The following CHM variants were observed in gnomAD, a reference collection of about 807,000 sequenced individuals.
CHM encodes the protein rab proteins geranylgeranyltransferase component A 1.
A neutral mutation model predicts 49.0 loss-of-function variants in CHM; 10 were observed. The ratio of observed to expected loss-of-function variants is 0.20; its 90% CI spans 0.13 to 0.35. The LOEUF (loss-of-function observed/expected upper bound fraction) is 0.35, where lower values mean the gene tolerates loss of function less well. Among genes scored for constraint, CHM ranks in the 10% least tolerant of loss-of-function variants. The pLI is 1.00. For missense variants in CHM, 455 were observed against 478.4 expected, an observed-to-expected ratio of 0.95 and a Z score of 0.46; for synonymous variants, 184 against 167.5, an observed-to-expected ratio of 1.10 and a Z score of -0.76.
intron 12 of CHM, among the ~76,000 whole-genome samples, chrX:85,881,467 C>T (rs376951707): frequency 1.8e-5 from 2 of 111,960 alleles, no homozygotes; most frequent in East Asian, 5.6e-4. Flanking sequence ...TTTACTTGTG[C>T]AACAGCAAAC....
chrX:85,936,988 C>T (rs1928814202), intron 8 of CHM, among the ~76,000 whole-genome samples: 2 of 111,302 alleles, frequency 1.8e-5, no homozygotes, highest in Admixed American at 9.6e-5. Context: ...CTGTGCAGGC[C>T]GGGTGCAGTG....
At chrX:85,893,551 T>C (rs1236008451) in intron 12 of CHM, among the ~76,000 whole-genome samples, 1 of 111,704 alleles carries the variant, frequency 9.0e-6, no homozygotes, top group Non-Finnish European at 1.9e-5. Context: ...ATACCTCAAG[T>C]AGACCCACAA....
chrX:85,866,174 G>A (rs1923678413), intron 14 of CHM, among the ~76,000 whole-genome samples: 1 of 112,435 alleles, frequency 8.9e-6, no homozygotes, highest in African/African-American at 3.2e-5. Context: ...GAGGAAAAAT[G>A]GTTTAGTGGG....
intron 2 of CHM, among the ~76,000 whole-genome samples, chrX:86,024,574 T>C (rs1471409565): frequency 8.9e-6 from 1 of 111,839 alleles, no homozygotes; most frequent in Non-Finnish European, 1.9e-5. Flanking sequence ...GAGCTGGAGA[T>C]AAAGTCAGGA....
Position 85,863,032 on chromosome X carries a change from T to A in CHM, c.*1598A>T, listed in dbSNP as rs186301675. 178 of 111,571 alleles carry A rather than the reference T, an allele frequency of 1.6e-3. 1 individual carries two copies. The highest frequency in any genetic ancestry group is 4.9e-3 in the African/African-American group (151 of 30,711). 9.2% of individuals were successfully genotyped at this position (111,571 alleles called of 1,213,427 possible). ...AAAGTAGACCATCAGAGCTTGGCCATTTGAGAAAATTTAAATATAGGCAAC... is the reference window on the plus strand; with the variant it reads ...AAAGTAGACCATCAGAGCTTGGCCAATTGAGAAAATTTAAATATAGGCAAC... On this transcript the variant is annotated 3_prime_UTR_variant, in exon 15 of 15. Coordinates refer to ENST00000357749, the MANE Select transcript of CHM (RefSeq NM_000390.4).
rs923712275 is a variant in CHM at position 86,030,441 on chromosome X, G to A, written c.50-2884C>T. On this transcript the variant is annotated intron_variant, in intron 1 of 14. Transcript: ENST00000357749. ...TAAACAGAATTTCCAGGATACAGGA[G>A]GCATGTAGTAGGTTCTCCATAGATA... Among the ~76,000 whole-genome samples, 3 of 111,288 alleles carry A rather than the reference G, an allele frequency of 2.7e-5. No homozygotes were observed. In the Admixed American group the frequency reaches 2.9e-4, roughly 11 times the overall value.
At chrX:85,951,748 C>G (rs928469850) in intron 8 of CHM, among the ~76,000 whole-genome samples, 1 of 111,990 alleles carries the variant, frequency 8.9e-6, no homozygotes, top group Non-Finnish European at 1.9e-5. Context: ...AAAAAAAGAA[C>G]CATCATAAGA....
At chrX:85,903,434 G>A (rs755548500) in intron 9 of CHM, among the ~76,000 whole-genome samples, 47 of 110,882 alleles carry the variant, frequency 4.2e-4, no homozygotes, top group South Asian at 2.0e-3. Flanking sequence ...GGTTGTTTTG[G>A]TGGTAGCCAT....
At chrX:85,874,572 A>G (rs1569394339) in intron 13 of CHM, among the ~76,000 whole-genome samples, 1 of 111,587 alleles carries the variant, frequency 9.0e-6, no homozygotes, top group Non-Finnish European at 1.9e-5. Flanking sequence ...TTTAATTTAC[A>G]GTATCTCCAC....
chrX:86,004,917 T>C (rs1441802644), intron 2 of CHM, among the ~76,000 whole-genome samples: 2 of 111,998 alleles, frequency 1.8e-5, no homozygotes, highest in African/African-American at 6.5e-5. Flanking sequence ...GGAGACCTAA[T>C]AGACATCTAA....
In CHM at chrX:85,975,836, G is replaced by GC. The variant is rs906387053; in HGVS notation, c.314+2930dup. Among the ~76,000 whole-genome samples the GC allele has an allele frequency of 5.4e-5, 6 of 112,063 alleles. 1 individual carries two copies. The highest frequency in any genetic ancestry group is 9.7e-5 in the African/African-American group (3 of 30,829). On this transcript the variant is annotated intron_variant, in intron 4 of 14. Coordinates refer to ENST00000357749, the MANE Select transcript of CHM (RefSeq NM_000390.4). ...TCCATATCTGCAAAATGTAACATTA[G>GC]CATCACTAACACATATGTTTCAAAA...
intron 12 of CHM, among the ~76,000 whole-genome samples, chrX:85,887,368 T>G (rs1235962609): frequency 8.9e-6 from 1 of 111,817 alleles, no homozygotes; most frequent in African/African-American, 3.3e-5. Flanking sequence ...ATGTAACACA[T>G]GACTTGCTCC....
At chrX:85,911,226 T>TGAATATATATATGA (rs61033842) in intron 9 of CHM, 35 bp downstream of exon 9, 1 of 141,534 alleles carries the variant, frequency 7.1e-6, no homozygotes, top group Non-Finnish European at 1.1e-5. Flanking sequence ...AATATATATA[T>TGAATATATATATGA]ATATATATAT....
intron 8 of CHM, among the ~76,000 whole-genome samples, chrX:85,922,917 C>T (rs191995533): frequency 8.0e-4 from 90 of 112,045 alleles, no homozygotes; most frequent in African/African-American, 2.7e-3. Flanking sequence ...CACAATGATC[C>T]AGTATTGCCA....
chrX:85,988,773 C>T (rs778216520), intron 2 of CHM, among the ~76,000 whole-genome samples: 123 of 111,457 alleles, frequency 1.1e-3, no homozygotes, highest in Non-Finnish European at 2.0e-3. Flanking sequence ...GAATAAAACA[C>T]CTAGGAATAC....
intron 8 of CHM, among the ~76,000 whole-genome samples, chrX:85,922,236 T>C (rs1189757125): frequency 1.8e-5 from 2 of 112,660 alleles, no homozygotes; most frequent in Admixed American, 9.3e-5. Context: ...AATATAAATA[T>C]GTAACCCACA....
intron 8 of CHM, among the ~76,000 whole-genome samples, chrX:85,918,662 A>C (rs1326538480): frequency 1.8e-5 from 2 of 112,149 alleles, no homozygotes; most frequent in Middle Eastern, 4.2e-3. Context: ...AGGCTCATCT[A>C]ACATGCTGTG....
intron 8 of CHM, among the ~76,000 whole-genome samples, chrX:85,925,012 T>A (rs1321979166): frequency 1.8e-5 from 2 of 111,827 alleles, no homozygotes; most frequent in Non-Finnish European, 3.8e-5. Flanking sequence ...GTCCTTAAAT[T>A]TAACCTTCTA....
intron 13 of CHM, among the ~76,000 whole-genome samples, chrX:85,873,931 C>T (rs1391335224): frequency 9.0e-6 from 1 of 111,482 alleles, no homozygotes; most frequent in Non-Finnish European, 1.9e-5. Context: ...GAAGTCATAA[C>T]AGTGAATGCC....
Sources: gnomAD v4.1 joint callset for allele counts (sites outside exome capture counted in the v4.1 genomes callset) on GRCh38, gnomAD v4.1.1 for gene constraint, MANE v1.5 for transcripts, NCBI Gene and HGNC (gene_info 2026-07-23, HGNC 2026-07-21) for gene names.